DNMBP: variants seen among roughly 807,000 people sequenced by gnomAD.
DNMBP encodes dynamin binding protein.
In DNMBP, 87 loss-of-function variants were observed where a neutral mutation model predicts 150.0. The ratio of observed to expected loss-of-function variants is 0.58; its 90% CI spans 0.49 to 0.69. The LOEUF (loss-of-function observed/expected upper bound fraction) is 0.69, where lower values mean the gene tolerates loss of function less well. Ranked by LOEUF, DNMBP falls within the 30% of genes least tolerant of loss-of-function variation. DNMBP has a pLI of 0.00. For synonymous variants in DNMBP, 711 were observed against 750.4 expected, an observed-to-expected ratio of 0.95 and a Z score of 0.86; for missense variants, 1,774 against 1,949.0, an observed-to-expected ratio of 0.91 and a Z score of 1.69.
chr10:99,930,709 A>C (rs576791543), intron 4 of DNMBP: 1 of 695,238 alleles, frequency 1.4e-6, no homozygotes, highest in Non-Finnish European at 2.6e-6. Flanking sequence ...CTGGAGTCCC[A>C]GTGCCTTTTC....
intron 4 of DNMBP, among the ~76,000 whole-genome samples, chr10:99,942,402 T>C: frequency 6.6e-6 from 1 of 152,236 alleles, no homozygotes; most frequent in East Asian, 1.9e-4. Context: ...GGTTGACTGA[T>C]GACTGTCCTG....
At chr10:99,917,833 G>A (rs2039980699) in intron 4 of DNMBP, among the ~76,000 whole-genome samples, 1 of 151,858 alleles carries the variant, frequency 6.6e-6, no homozygotes, top group Admixed American at 6.6e-5. Context: ...GCGCAGTGGT[G>A]CCCACCTGTA....
chr10:99,957,331 G>A, intron 3 of DNMBP, 126 bp from the exon 4 acceptor site: 1 of 821,714 alleles, frequency 1.2e-6, no homozygotes. Context: ...AGAGCTTTAG[G>A]AGCATGAACA....
Position 99,957,054 on chromosome 10 carries a change from A to G in DNMBP, c.420T>C (p.Phe140=), listed in dbSNP as rs1425245678. 6.2e-7 allele frequency: 1 copy of G among 1,614,086 alleles called. No individual in the cohort carries two copies. The highest frequency in any genetic ancestry group is 2.2e-5 in the East Asian group (1 of 44,882). ...SRQWHSQSAL[F]QIPEYSMGQA... Reference sequence around the variant, plus strand: ...GTCCCATGGAATATTCCGGAATCTGAAACAGGGCGCTCTGGGAGTGCCACT... The same window carrying G: ...GTCCCATGGAATATTCCGGAATCTGGAACAGGGCGCTCTGGGAGTGCCACT... The change falls in exon 4 of 17, where the codon TTT becomes TTC. Residue 140 remains phenylalanine, a synonymous_variant. Transcript: ENST00000324109.
chr10:99,890,992 C>A (rs567273133), intron 11 of DNMBP, among the ~76,000 whole-genome samples: 1 of 152,192 alleles, frequency 6.6e-6, no homozygotes, highest in South Asian at 2.1e-4. Flanking sequence ...GCTATTTACT[C>A]AATAAATGAT....
chr10:99,889,969 A>C (rs1188998821), intron 11 of DNMBP, among the ~76,000 whole-genome samples: 1 of 152,204 alleles, frequency 6.6e-6, no homozygotes, highest in Non-Finnish European at 1.5e-5. Flanking sequence ...CTGCCCTGCC[A>C]TGCTACTGAT....
chr10:99,990,521 G>A (rs7906469), intron 1 of DNMBP, among the ~76,000 whole-genome samples: 70,035 of 150,106 alleles, frequency 0.47, 17,338 homozygotes, highest in African/African-American at 0.63. Context: ...ACTGCACTCC[G>A]GCCTGGGTGA....
chr10:99,956,320 G>C lies in DNMBP; in HGVS notation c.1154C>G (p.Pro385Arg), dbSNP rs143875074. ...TTCCCACTCCACGCCTGGGCTTCTC[G>C]GGGGCCCTCCTGCGGTGTCCTCGTC... ...YQDEDTAGGP[P>R]RSPGVEWEMP... The change falls in exon 4 of 17, where the codon CCG (proline) becomes CGG (arginine). Residue 385 changes from proline (P) to arginine (R), a missense_variant. Pro to Arg is a moderately radical substitution (Grantham distance 103, BLOSUM62 -2). Coordinates refer to ENST00000324109, the MANE Select transcript of DNMBP (RefSeq NM_015221.4). 23 of 1,613,728 alleles carry C rather than the reference G, an allele frequency of 1.4e-5. No individual in the cohort carries two copies. The African/African-American group carries it at 2.5e-4, about 18-fold the overall frequency.
chr10:100,001,713 T>C (rs1235911581), intron 1 of DNMBP, among the ~76,000 whole-genome samples: 1 of 149,158 alleles, frequency 6.7e-6, no homozygotes, highest in Non-Finnish European at 1.5e-5. Flanking sequence ...GTACGTGGCC[T>C]GTGCTAGGTT....
intron 4 of DNMBP, among the ~76,000 whole-genome samples, chr10:99,937,242 T>C (rs1269897179): frequency 6.6e-6 from 1 of 152,114 alleles, no homozygotes; most frequent in Non-Finnish European, 1.5e-5. Flanking sequence ...AAACTTCTGA[T>C]GTCCACTTGT....
intron 16 of DNMBP, 66 bp from the exon 17 acceptor site, chr10:99,877,402 G>T: frequency 1.5e-6 from 2 of 1,355,344 alleles, no homozygotes; most frequent in Non-Finnish European, 2.0e-6. Flanking sequence ...GCTTCGTGCG[G>T]TGTTGGGGAG....
chr10:99,995,686 T>C (rs2040943803), intron 1 of DNMBP, among the ~76,000 whole-genome samples: 1 of 152,228 alleles, frequency 6.6e-6, no homozygotes, highest in Non-Finnish European at 1.5e-5. Flanking sequence ...AGCACCTGTG[T>C]CTTATGATGG....
chr10:99,900,234 G>A (rs1253362469), intron 6 of DNMBP, among the ~76,000 whole-genome samples, 168 bp from the exon 7 acceptor site: 4 of 152,174 alleles, frequency 2.6e-5, no homozygotes, highest in South Asian at 2.1e-4. Flanking sequence ...ACAGCTTAAA[G>A]TTGTAATCAT....
intron 1 of DNMBP, among the ~76,000 whole-genome samples, chr10:99,976,301 AT>A (rs1313616211): frequency 6.6e-6 from 1 of 152,228 alleles, no homozygotes; most frequent in Non-Finnish European, 1.5e-5. Flanking sequence ...TTGTTTAAAA[AT>A]AGACACACTC....
chr10:99,956,432 C>G lies in DNMBP; in HGVS notation c.1042G>C (p.Glu348Gln). The change falls in exon 4 of 17, where the codon GAG becomes CAG. Residue 348 changes from glutamate (E) to glutamine (Q), a missense_variant. Glu to Gln is a conservative substitution (Grantham distance 29). Coordinates refer to ENST00000324109, the MANE Select transcript of DNMBP (RefSeq NM_015221.4). ...RHETSDHEAE[E>Q]PDCIISEAPT... is the part of the protein sequence containing the mutation. ...GCTTCAGAAATAATGCAGTCAGGCT[C>G]CTCGGCCTCATGGTCACTGGTTTCA... 1 of 1,614,018 alleles carries G rather than the reference C, an allele frequency of 6.2e-7. No homozygotes were observed.
rs765753470 is a variant in DNMBP at position 99,971,982 on chromosome 10, G to A, written c.143C>T (p.Thr48Ile). ...TCCACTATGAGTCTCTTACTTACCT[G>A]TAACATCCTCCTTCTTTCCTAGAAG... is the stretch of plus-strand genomic sequence containing the variant. ...FWLLGKKEDV[T>I]GQFPSSFVEI... The change falls in exon 2 of 17, where the codon ACA becomes ATA. Residue 48 changes from threonine to isoleucine, a missense_variant and splice_region_variant. By Grantham distance (89) the Thr-to-Ile change is moderately conservative. Around this residue, in one of 2 missense-constraint regions of DNMBP, gnomAD observed 344 missense variants for 456.6 expected, o/e 0.75. Transcript: ENST00000324109. 9 of 1,612,256 alleles carry A rather than the reference G, an allele frequency of 5.6e-6. No individual in the cohort carries two copies. In the South Asian group the frequency reaches 7.7e-5, roughly 14 times the overall value.
rs116046885 is a variant in DNMBP at position 99,884,118 on chromosome 10, T to A, written c.3890A>T (p.Asn1297Ile). Residue 1297 changes from asparagine (N) to isoleucine (I), a missense_variant, in exon 15 of 17, where the codon AAT becomes ATT. Physicochemically the swap from Asn to Ile is moderately radical, Grantham distance 149. This residue lies in a region of DNMBP where 1,430 missense variants were observed against 1,492.5 expected (regional missense o/e 0.96). Coordinates refer to ENST00000324109, the MANE Select transcript of DNMBP (RefSeq NM_015221.4). Reference protein sequence around the residue: ...EKLFQAERNFNAAQDLDVSLL... With the variant: ...EKLFQAERNFIAAQDLDVSLL... ...TGAGACATCCAAGTCTTGAGCAGCA[T>A]TGAAGTTCCGTTCTGCCTGGAAGAG... The A allele has an allele frequency of 6.2e-7, 1 of 1,614,128 alleles. No homozygotes were observed. The highest frequency in any genetic ancestry group is 1.1e-5 in the South Asian group (1 of 91,080).
intron 4 of DNMBP, among the ~76,000 whole-genome samples, chr10:99,946,552 C>G (rs945314558): frequency 6.6e-6 from 1 of 152,140 alleles, no homozygotes; most frequent in African/African-American, 2.4e-5. Flanking sequence ...GAAAAACTAA[C>G]CATATGCAGA....
intron 12 of DNMBP, among the ~76,000 whole-genome samples, chr10:99,886,868 T>C (rs2039475653): frequency 1.3e-5 from 2 of 152,156 alleles, no homozygotes; most frequent in Admixed American, 1.3e-4. Context: ...AAGGAGTATG[T>C]AAAATACACT....
Sources: gnomAD v4.1 joint callset for allele counts (sites outside exome capture counted in the v4.1 genomes callset) on GRCh38, gnomAD v4.1.1 for gene constraint, gnomAD v4.1.1 regional missense constraint, MANE v1.5 for transcripts, NCBI Gene and HGNC (gene_info 2026-07-23, HGNC 2026-07-21) for gene names.